SLC44A5: variants seen among roughly 807,000 people sequenced by gnomAD.
SLC44A5 encodes the protein choline transporter-like protein 5.
SLC44A5 carries 57 observed loss-of-function variants against 101.8 expected under a neutral mutation model. The observed-to-expected ratio is 0.56, with a 90% CI of 0.45 to 0.70. The LOEUF (loss-of-function observed/expected upper bound fraction) is 0.70. Among genes scored for constraint, SLC44A5 ranks in the 30% least tolerant of loss-of-function variants. The pLI, the probability that SLC44A5 is intolerant of heterozygous loss-of-function variation, is 0.00. For missense variants in SLC44A5, 737 were observed against 853.1 expected (o/e 0.86, Z 1.70); for synonymous variants, 281 against 290.9 (o/e 0.97, Z 0.35).
chr1:75,465,967 G>A (rs901215739), intron 2 of SLC44A5, among the ~76,000 whole-genome samples: 1 of 152,146 alleles, frequency 6.6e-6, no homozygotes, highest in African/African-American at 2.4e-5. Context: ...AGCTAATATC[G>A]ATTTTCCTCA....
At chr1:75,723,223 G>C in the SLC44A5 span, among the ~76,000 whole-genome samples, 1 of 152,196 alleles carries the variant, frequency 6.6e-6, no homozygotes, top group African/African-American at 2.4e-5. Context: ...CTCGTGGCAA[G>C]ACTACTAGCG....
intron 1 of SLC44A5, among the ~76,000 whole-genome samples, chr1:75,557,643 G>C (rs1672292669): frequency 6.6e-6 from 1 of 152,066 alleles, no homozygotes; most frequent in African/African-American, 2.4e-5. Flanking sequence ...TTCATATTTA[G>C]AAGACATAAA....
Position 75,222,209 on chromosome 1 carries a change from G to A in SLC44A5, c.1085+152C>T. The A allele has an allele frequency of 3.4e-6, 2 of 592,636 alleles. 1 individual carries two copies. The highest frequency in any genetic ancestry group is 4.2e-5 in the South Asian group (2 of 47,956). The allele number at this position is 592,636 out of a possible 1,614,324, so 36.7% of individuals were successfully genotyped here. A position where few individuals can be genotyped will look rare whatever the true frequency, so the allele number is the denominator to read the frequency against. ...GACCTCAGGTGACCAGCCTGCCTCG[G>A]CCTCCCAAAGTGCTGGGATTACAGG... On this transcript the variant is annotated intron_variant, in intron 14 of 23. Transcript: ENST00000370859.
intron 2 of SLC44A5, among the ~76,000 whole-genome samples, chr1:75,464,532 T>C (rs1666705189): frequency 1.3e-5 from 2 of 151,806 alleles, no homozygotes; most frequent in Admixed American, 6.6e-5. Flanking sequence ...TAGAACAAAA[T>C]GACAGAAGTC....
chr1:75,276,848 C>T (rs954122692), intron 5 of SLC44A5, among the ~76,000 whole-genome samples: 6 of 152,196 alleles, frequency 3.9e-5, no homozygotes, highest in East Asian at 1.9e-4. Context: ...AATACTGTTG[C>T]GGGCAGCTGG....
In SLC44A5 at chr1:75,550,571, A is replaced by T. The variant is rs188427196; in HGVS notation, c.-69-9055T>A. On this transcript the variant is annotated intron_variant, in intron 1 of 23. Transcript: ENST00000370859. The stretch of plus-strand genomic sequence containing the variant: ...TACATTATGAAAATTTTACCTTAAT[A>T]AAAAAAAAAGATCATTATTTGAACA... Among the ~76,000 whole-genome samples, 413 of 147,800 alleles carry T rather than the reference A, an allele frequency of 2.8e-3. 3 individuals carry two copies. The highest frequency in any genetic ancestry group is 3.7e-3 in the Non-Finnish European group (248 of 67,088).
the SLC44A5 span, among the ~76,000 whole-genome samples, chr1:75,712,914 G>A: frequency 6.6e-6 from 1 of 151,974 alleles, no homozygotes; most frequent in Non-Finnish European, 1.5e-5. Flanking sequence ...TATTCACAAA[G>A]ATGATCCCTC....
At chr1:75,645,790 A>G in the SLC44A5 span, among the ~76,000 whole-genome samples, 1 of 135,988 alleles carries the variant, frequency 7.4e-6, no homozygotes. Context: ...TCTTTAATCC[A>G]TCTTGAATTC....
intron 1 of SLC44A5, among the ~76,000 whole-genome samples, chr1:75,579,826 T>TACACAC (rs6143284): frequency 2.0e-5 from 3 of 149,960 alleles, no homozygotes; most frequent in Admixed American, 6.7e-5. Flanking sequence ...TTCAACTATC[T>TACACAC]ACACACACAC....
chr1:75,633,796 G>C, the SLC44A5 span, among the ~76,000 whole-genome samples: 1 of 152,024 alleles, frequency 6.6e-6, no homozygotes, highest in African/African-American at 2.4e-5. Flanking sequence ...CCTGTCTTGT[G>C]CCAGTTTTCA....
At chr1:75,402,963 C>A (rs1027535563) in intron 2 of SLC44A5, among the ~76,000 whole-genome samples, 1 of 152,214 alleles carries the variant, frequency 6.6e-6, no homozygotes, top group South Asian at 2.1e-4. Context: ...TTCTCGCTGA[C>A]AGCACAGCAG....
chr1:75,221,065 A>G (rs1647069227), intron 14 of SLC44A5, among the ~76,000 whole-genome samples: 1 of 152,216 alleles, frequency 6.6e-6, no homozygotes, highest in African/African-American at 2.4e-5. Context: ...ACAATATCAT[A>G]CTACTTAAGA....
At chr1:75,719,041 C>G in the SLC44A5 span, among the ~76,000 whole-genome samples, 5 of 152,050 alleles carry the variant, frequency 3.3e-5, no homozygotes, top group African/African-American at 1.2e-4. Context: ...CTGGAATGGT[C>G]TATTTTCAGA....
chr1:75,622,354 AT>A, the SLC44A5 span, among the ~76,000 whole-genome samples: 1 of 152,036 alleles, frequency 6.6e-6, no homozygotes, highest in African/African-American at 2.4e-5. Flanking sequence ...GCAGAGGAAA[AT>A]TTTGTTAATT....
At chr1:75,268,005 G>A (rs1231698265) in intron 6 of SLC44A5, among the ~76,000 whole-genome samples, 1 of 152,226 alleles carries the variant, frequency 6.6e-6, no homozygotes, top group African/African-American at 2.4e-5. Flanking sequence ...GGTCACTCTT[G>A]TTGGAACACC....
At chr1:75,334,944 C>T (rs1167031589) in intron 4 of SLC44A5, among the ~76,000 whole-genome samples, 1 of 152,138 alleles carries the variant, frequency 6.6e-6, no homozygotes, top group African/African-American at 2.4e-5. Flanking sequence ...TAGTTAGTTG[C>T]TTGCTTGGCT....
At chr1:75,583,622 A>G (rs1446893899) in intron 1 of SLC44A5, among the ~76,000 whole-genome samples, 1 of 152,142 alleles carries the variant, frequency 6.6e-6, no homozygotes, top group Admixed American at 6.5e-5. Context: ...TATTATTATC[A>G]CACTTTGCTT....
intron 3 of SLC44A5, among the ~76,000 whole-genome samples, chr1:75,376,463 G>C (rs951806664): frequency 2.0e-5 from 3 of 152,148 alleles, no homozygotes; most frequent in Admixed American, 6.5e-5. Context: ...GAGAGCAGTG[G>C]TTCTCCCAGC....
chr1:75,566,773 A>C (rs550222534), intron 1 of SLC44A5, among the ~76,000 whole-genome samples: 2 of 152,236 alleles, frequency 1.3e-5, no homozygotes, highest in African/African-American at 2.4e-5. Flanking sequence ...TACATGCTCT[A>C]AAAGTAATAA....
Sources: gnomAD v4.1 joint callset for allele counts (sites outside exome capture counted in the v4.1 genomes callset) on GRCh38, gnomAD v4.1.1 for gene constraint, MANE v1.5 for transcripts, NCBI Gene and HGNC (gene_info 2026-07-23, HGNC 2026-07-21) for gene names.